The following CDC42SE2 variants were observed in gnomAD, a reference collection of about 807,000 sequenced individuals.
The protein encoded by CDC42SE2 is CDC42 small effector protein 2.
A neutral mutation model predicts 11.5 loss-of-function variants in CDC42SE2; 3 were observed. The observed-to-expected ratio is 0.26, with a 90% confidence interval of 0.12 to 0.67. The LOEUF is 0.67. CDC42SE2 is among the 30% of genes least tolerant of loss of function. The pLI is 0.80. For synonymous variants in CDC42SE2, 33 were observed against 34.8 expected (o/e 0.95, Z 0.18); for missense variants, 82 against 106.8 (o/e 0.77, Z 1.02).
intron 1 of CDC42SE2, among the ~76,000 whole-genome samples, chr5:131,304,940 T>G (rs1424777440): frequency 6.6e-6 from 1 of 152,200 alleles, no homozygotes; most frequent in African/African-American, 2.4e-5. Flanking sequence ...CATGTGTATA[T>G]TCCTGTGAAA....
chr5:131,227,586 A>G, the CDC42SE2 span, among the ~76,000 whole-genome samples: 1 of 152,244 alleles, frequency 6.6e-6, no homozygotes, highest in Admixed American at 6.5e-5. Context: ...ATAGAATTTT[A>G]TTTTATTTTT....
intron 1 of CDC42SE2, among the ~76,000 whole-genome samples, chr5:131,284,896 T>G (rs559061085): frequency 4.5e-4 from 69 of 152,092 alleles, no homozygotes; most frequent in Admixed American, 3.3e-4. Context: ...TGGTGTGCGC[T>G]TTAGTCCCAG....
At position 131,393,251 on chromosome 5, in the gene CDC42SE2, T is replaced by G. The variant is rs151220144; in HGVS notation, c.*2160T>G. Reference sequence around the variant, plus strand: ...TGCCTTCATTTACCTTAGTCCAAGATTCTTGCAAAACAGGCAACTGAACAA... The same window carrying G: ...TGCCTTCATTTACCTTAGTCCAAGAGTCTTGCAAAACAGGCAACTGAACAA... On this transcript the variant is annotated 3_prime_UTR_variant, in exon 5 of 5. Transcript: ENST00000505065. 936 of 152,478 alleles carry G rather than the reference T, an allele frequency of 6.1e-3. 8 individuals are homozygous for G. The highest frequency in any genetic ancestry group is 0.021 in the African/African-American group (892 of 41,572). 9.4% of individuals were successfully genotyped at this position (152,478 alleles called of 1,614,324 possible).
intron 1 of CDC42SE2, among the ~76,000 whole-genome samples, chr5:131,265,493 C>T (rs904324836): frequency 2.0e-5 from 3 of 152,154 alleles, no homozygotes; most frequent in Admixed American, 6.5e-5. Flanking sequence ...TAAAATGTCA[C>T]CATTTACTCA....
At chr5:131,332,415 C>A (rs1416891001) in intron 2 of CDC42SE2, among the ~76,000 whole-genome samples, 359 of 140,446 alleles carry the variant, frequency 2.6e-3, no homozygotes, top group African/African-American at 5.1e-3. Flanking sequence ...GTGAATAGTG[C>A]CACAATAAAC....
the CDC42SE2 span, among the ~76,000 whole-genome samples, chr5:131,212,171 G>A: frequency 6.6e-6 from 1 of 151,950 alleles, no homozygotes; most frequent in African/African-American, 2.4e-5. Context: ...GCAGTGGCGC[G>A]ATCTTGGCTC....
At chr5:131,382,681 A>G (rs1392589283) in intron 3 of CDC42SE2, among the ~76,000 whole-genome samples, 4 of 152,162 alleles carry the variant, frequency 2.6e-5, no homozygotes, top group African/African-American at 9.7e-5. Context: ...GTTTACTGCA[A>G]ACGCCTGGGG....
chr5:131,298,600 A>T (rs1056833303), intron 1 of CDC42SE2, among the ~76,000 whole-genome samples: 5 of 138,340 alleles, frequency 3.6e-5, no homozygotes, highest in Non-Finnish European at 6.2e-5. Context: ...GGGGGCAGTT[A>T]GACTTGTAGA....
chr5:131,270,354 G>A (rs1364835104), intron 1 of CDC42SE2, among the ~76,000 whole-genome samples: 1 of 152,106 alleles, frequency 6.6e-6, no homozygotes, highest in Non-Finnish European at 1.5e-5. Context: ...CAGCCTGGGC[G>A]AAAGAGTGAG....
intron 2 of CDC42SE2, among the ~76,000 whole-genome samples, chr5:131,338,974 G>C (rs914726052): frequency 6.6e-6 from 1 of 152,202 alleles, no homozygotes; most frequent in East Asian, 1.9e-4. Context: ...CAGGCCGGGC[G>C]TGGTGGCTCA....
At chr5:131,250,150 T>C (rs1580714859) in intron 1 of CDC42SE2, among the ~76,000 whole-genome samples, 1 of 152,200 alleles carries the variant, frequency 6.6e-6, no homozygotes, top group African/African-American at 2.4e-5. Flanking sequence ...CTCTTGCACA[T>C]ATACAACAGG....
chr5:131,251,125 A>G (rs1307553284), intron 1 of CDC42SE2, among the ~76,000 whole-genome samples: 2 of 152,236 alleles, frequency 1.3e-5, no homozygotes, highest in African/African-American at 2.4e-5. Context: ...AAGCTAAGAA[A>G]TGATTAGCAA....
intron 1 of CDC42SE2, among the ~76,000 whole-genome samples, chr5:131,248,980 G>T (rs1243355804): frequency 1.4e-5 from 2 of 145,486 alleles, no homozygotes; most frequent in Admixed American, 6.9e-5. Context: ...ATATATTGAA[G>T]ATTAATAAGT....
chr5:131,309,463 A>C (rs964060616), intron 1 of CDC42SE2, among the ~76,000 whole-genome samples: 4 of 151,988 alleles, frequency 2.6e-5, no homozygotes, highest in African/African-American at 9.7e-5. Context: ...GGCCTCATAA[A>C]ATGAGTTAGG....
At chr5:131,350,136 G>A (rs983770942) in intron 2 of CDC42SE2, among the ~76,000 whole-genome samples, 4 of 151,850 alleles carry the variant, frequency 2.6e-5, no homozygotes, top group Non-Finnish European at 5.9e-5. Context: ...AAATCAACTT[G>A]ACCTAAGATA....
the CDC42SE2 span, among the ~76,000 whole-genome samples, chr5:131,229,964 A>G: frequency 2.6e-5 from 4 of 152,162 alleles, no homozygotes; most frequent in Non-Finnish European, 5.9e-5. Flanking sequence ...TGTAACAGGT[A>G]TCTATCTATG....
At chr5:131,278,060 C>T (rs1341669554) in intron 1 of CDC42SE2, among the ~76,000 whole-genome samples, 1 of 152,108 alleles carries the variant, frequency 6.6e-6, no homozygotes. Flanking sequence ...GTGGCATGAT[C>T]AGGACTCACT....
intron 1 of CDC42SE2, among the ~76,000 whole-genome samples, chr5:131,247,541 C>A (rs1227021400): frequency 6.6e-6 from 1 of 152,036 alleles, no homozygotes; most frequent in Non-Finnish European, 1.5e-5. Flanking sequence ...ATCACTTGAA[C>A]CCGGGAGGTG....
intron 1 of CDC42SE2, among the ~76,000 whole-genome samples, chr5:131,313,197 T>C (rs563742748): frequency 1.5e-3 from 225 of 152,160 alleles, no homozygotes; most frequent in Non-Finnish European, 2.6e-3. Context: ...TTAGCCAGGA[T>C]GGTCTCCATC....
Sources: allele counts gnomAD v4.1 joint callset (sites outside exome capture counted in the v4.1 genomes callset), GRCh38; gene constraint gnomAD v4.1.1; transcripts MANE v1.5; gene names NCBI Gene and HGNC (gene_info 2026-07-23, HGNC 2026-07-21).